Variants in AGAP1 observed in about 807,000 individuals in gnomAD.
AGAP1 encodes ArfGAP with GTPase domain, ankyrin repeat and PH domain 1, also known as arf-GAP with GTPase, ANK repeat and PH domain-containing protein 1.
Under a neutral mutation model 105.3 loss-of-function variants are expected in AGAP1, and 29 were observed. That is an observed-to-expected ratio of 0.28 (90% confidence interval 0.21 to 0.38). The LOEUF is 0.38. Ranked by LOEUF, AGAP1 falls within the 10% of genes least tolerant of loss-of-function variation. AGAP1 has a pLI of 1.00. For missense variants in AGAP1, 998 were observed against 1,165.1 expected (o/e 0.86, Z 2.09); for synonymous variants, 509 against 485.9 (o/e 1.05, Z -0.63).
rs1259375886 is a variant in AGAP1 at position 235,665,500 on chromosome 2, G to A, written c.164-43679G>A. Among the ~76,000 whole-genome samples, 1 of 152,170 alleles carries A rather than the reference G, an allele frequency of 6.6e-6. No homozygotes were observed. The highest frequency in any genetic ancestry group is 1.5e-5 in the Non-Finnish European group (1 of 68,040). ...GAGTGTCCCAGGCAAAGGGATGCGT[G>A]CAGAATTTTCAGTTCCTAGAAGCTG... On this transcript the variant is annotated intron_variant, in intron 1 of 17. Coordinates refer to ENST00000304032, the MANE Select transcript of AGAP1 (RefSeq NM_001037131.3). This position sits in a 1 kb window ranked among gnomAD's most constrained non-coding sequence, Gnocchi z 5.3.
rs1953536227 is a variant in AGAP1 at position 235,752,566 on chromosome 2, A to C, written c.673+2078A>C. 6.6e-6 allele frequency among the ~76,000 whole-genome samples: 1 copy of C among 152,072 alleles called. No individual in the cohort carries two copies. Among genetic ancestry groups the C allele is most frequent in the Non-Finnish European group, 1.5e-5 (1 of 68,002 alleles). On this transcript the variant is annotated intron_variant, in intron 6 of 17. Transcript: ENST00000304032. This position sits in a 1 kb window ranked among gnomAD's most constrained non-coding sequence, Gnocchi z 4.3. The stretch of plus-strand genomic sequence containing the variant: ...CCCCTCTCCAGCTGTGACAGCAGAG[A>C]TGAGGGTCTTTGCGGCCTGAGAAGC...
At chr2:235,802,910 T>TGATGATGCTGGTTGTGGTTGTGGTGATG (rs1274700242) in intron 8 of AGAP1, among the ~76,000 whole-genome samples, 1 of 113,698 alleles carries the variant, frequency 8.8e-6, no homozygotes, top group Non-Finnish European at 1.9e-5. Flanking sequence ...GTTGTGATGG[T>TGATGATGCTGGTTGTGGTTGTGGTGATG]GTGATGGTTG....
At chr2:235,515,877 G>T (rs1466642202) in intron 1 of AGAP1, among the ~76,000 whole-genome samples, 1 of 152,196 alleles carries the variant, frequency 6.6e-6, no homozygotes, top group Non-Finnish European at 1.5e-5. Flanking sequence ...TGGTGGGAAA[G>T]AGATATTTAA....
intron 1 of AGAP1, among the ~76,000 whole-genome samples, chr2:235,514,601 C>T (rs894847158): frequency 6.6e-6 from 1 of 152,248 alleles, no homozygotes; most frequent in African/African-American, 2.4e-5. Context: ...TTTAACCCAC[C>T]TGATGCCTTC....
rs529069617 is a variant in AGAP1, at chr2:236,089,150, C to T, written c.2115-31042C>T. ...GTCAGACCGCTCACGTGGGTGGCAGCGTCCAAGTCCAGTTTGTACATTTCT... is the reference window on the plus strand; with the variant it reads ...GTCAGACCGCTCACGTGGGTGGCAGTGTCCAAGTCCAGTTTGTACATTTCT... On this transcript the variant is annotated intron_variant, in intron 16 of 17. Transcript: ENST00000304032. The surrounding 1 kb of genome is among the most constrained non-coding windows in gnomAD (Gnocchi z 5.6). 1.3e-5 allele frequency among the ~76,000 whole-genome samples: 2 copies of T among 152,274 alleles called. No homozygotes were observed. Among genetic ancestry groups the T allele is most frequent in the South Asian group, 2.1e-4 (1 of 4,830 alleles).
rs1946232072 is a variant in AGAP1, at chr2:235,614,148, G to A, written c.164-95031G>A. 6.6e-6 allele frequency among the ~76,000 whole-genome samples: 1 copy of A among 152,136 alleles called. No individual in the cohort carries two copies. Among genetic ancestry groups the A allele is most frequent in the Admixed American group, 6.5e-5 (1 of 15,274 alleles). ...ATGTGCTAGATACCCTACTGGTGCTGGTGAGCAGAAACAGGCAAGGTCTTT... is the reference window on the plus strand; with the variant it reads ...ATGTGCTAGATACCCTACTGGTGCTAGTGAGCAGAAACAGGCAAGGTCTTT... On this transcript the variant is annotated intron_variant, in intron 1 of 17. Transcript: ENST00000304032. This position sits in a 1 kb window ranked among gnomAD's most constrained non-coding sequence, Gnocchi z 4.7.
rs542199457 is a variant in AGAP1 at position 235,747,704 on chromosome 2, G to A, written c.539-2650G>A. On this transcript the variant is annotated intron_variant, in intron 5 of 17. Transcript: ENST00000304032. This position sits in a 1 kb window ranked among gnomAD's most constrained non-coding sequence, Gnocchi z 5.0. ...CCCTGCCGCGACGCTTGCTTCCTGCGTGCAGACTTGCTCTCCGTGAAGCCC... is the reference window on the plus strand; with the variant it reads ...CCCTGCCGCGACGCTTGCTTCCTGCATGCAGACTTGCTCTCCGTGAAGCCC... Among the ~76,000 whole-genome samples, 3 of 152,348 alleles carry A rather than the reference G, an allele frequency of 2.0e-5. No individual in the cohort carries two copies. Among genetic ancestry groups the A allele is most frequent in the Admixed American group, 6.5e-5 (1 of 15,310 alleles).
rs1025130708 is a variant in AGAP1 at position 235,787,462 on chromosome 2, A to G, written c.674-10297A>G. 6.6e-6 allele frequency among the ~76,000 whole-genome samples: 1 copy of G among 152,192 alleles called. No individual in the cohort carries two copies. Among genetic ancestry groups the G allele is most frequent in the South Asian group, 2.1e-4 (1 of 4,832 alleles). Reference sequence around the variant, plus strand: ...CTTTATAGCACTTTCTATATCCCACATGCTGCCACTTATCTAACACATTGG... The same window carrying G: ...CTTTATAGCACTTTCTATATCCCACGTGCTGCCACTTATCTAACACATTGG... On this transcript the variant is annotated intron_variant, in intron 6 of 17. Transcript: ENST00000304032. The surrounding 1 kb of genome is among the most constrained non-coding windows in gnomAD (Gnocchi z 4.4).
intron 6 of AGAP1, among the ~76,000 whole-genome samples, chr2:235,763,376 C>A (rs113493785): frequency 5.3e-5 from 8 of 152,226 alleles, no homozygotes; most frequent in African/African-American, 1.9e-4. Context: ...ACTTTTCCCA[C>A]CCTGTGGTTA....
At position 235,900,980 on chromosome 2, in the gene AGAP1, A is replaced by G. The variant is rs915483655; in HGVS notation, c.1156-7758A>G. ...TGCCTCCTACCTTGCTATTGTGACTATGATCCTTTGGGGAGAAGAGTAATT... is the reference window on the plus strand; with the variant it reads ...TGCCTCCTACCTTGCTATTGTGACTGTGATCCTTTGGGGAGAAGAGTAATT... On this transcript the variant is annotated intron_variant, in intron 10 of 17. Transcript: ENST00000304032. The surrounding 1 kb of genome is among the most constrained non-coding windows in gnomAD (Gnocchi z 5.5). 2.6e-5 allele frequency among the ~76,000 whole-genome samples: 4 copies of G among 152,226 alleles called. No individual in the cohort carries two copies. Among genetic ancestry groups the G allele is most frequent in the African/African-American group, 4.8e-5 (2 of 41,468 alleles).
chr2:235,807,883 A>G (rs1049028980), intron 9 of AGAP1, among the ~76,000 whole-genome samples: 1 of 152,224 alleles, frequency 6.6e-6, no homozygotes, highest in Non-Finnish European at 1.5e-5. Context: ...ACCTTATTAT[A>G]TAAAGGAACA....
Position 235,719,259 on chromosome 2 carries a change from T to C in AGAP1, c.310+1615T>C, listed in dbSNP as rs144802705. Among the ~76,000 whole-genome samples, 353 of 152,272 alleles carry C rather than the reference T, an allele frequency of 2.3e-3. 4 individuals carry two copies. Among genetic ancestry groups the C allele is most frequent in the East Asian group, 0.02 (104 of 5,164 alleles). On this transcript the variant is annotated intron_variant, in intron 3 of 17. Transcript: ENST00000304032. The surrounding 1 kb of genome is among the most constrained non-coding windows in gnomAD (Gnocchi z 4.9). ...TGGGGCAGCGCTGGAGGCCCTGGGT[T>C]TCTGGAGTAAGAACAAGGACCACGA...
intron 6 of AGAP1, among the ~76,000 whole-genome samples, chr2:235,783,998 A>G (rs1956448997): frequency 6.8e-6 from 1 of 147,990 alleles, no homozygotes; most frequent in South Asian, 2.1e-4. Context: ...GGACGGATGG[A>G]TGGGTGGATA....
chr2:236,009,753 C>T lies in AGAP1; in HGVS notation c.1646-26808C>T, dbSNP rs1294407763. Among the ~76,000 whole-genome samples the T allele has an allele frequency of 6.6e-6, 1 of 152,214 alleles. No individual in the cohort carries two copies. The highest frequency in any genetic ancestry group is 1.5e-5 in the Non-Finnish European group (1 of 68,044). On this transcript the variant is annotated intron_variant, in intron 13 of 17. Coordinates refer to ENST00000304032, the MANE Select transcript of AGAP1 (RefSeq NM_001037131.3). The surrounding 1 kb of genome is among the most constrained non-coding windows in gnomAD (Gnocchi z 4.2). ...GCTGCAGCGTGCCTCATTTAGCCGT[C>T]CCTGCTCGGTTCACGCCAAGGATGT...
rs1264751595 is a variant in AGAP1, at chr2:235,549,508, C to A, written c.163+54659C>A. Among the ~76,000 whole-genome samples the A allele has an allele frequency of 6.6e-6, 1 of 152,178 alleles. No homozygotes were observed. The highest frequency in any genetic ancestry group is 1.5e-5 in the Non-Finnish European group (1 of 68,028). On this transcript the variant is annotated intron_variant, in intron 1 of 17. Coordinates refer to ENST00000304032, the MANE Select transcript of AGAP1 (RefSeq NM_001037131.3). This position sits in a 1 kb window ranked among gnomAD's most constrained non-coding sequence, Gnocchi z 4.2. ...AGCCTGTGCCTTTAGCCCAGCCTTG[C>A]TGTTCTAGATGGTGTTGGCAGCCTT...
chr2:235,619,722 G>A (rs1392076128), intron 1 of AGAP1, among the ~76,000 whole-genome samples: 1 of 152,202 alleles, frequency 6.6e-6, no homozygotes, highest in Admixed American at 6.5e-5. Context: ...TTGCCAAGAG[G>A]CGGCCAGCTG....
chr2:236,072,021 C>G (rs2058508903), intron 16 of AGAP1, among the ~76,000 whole-genome samples: 1 of 151,686 alleles, frequency 6.6e-6, no homozygotes, highest in Admixed American at 6.6e-5. Context: ...TAGGAGAGAA[C>G]TAAACTTTTT....
At chr2:235,536,677 A>ACACACACC (rs1559231815) in intron 1 of AGAP1, among the ~76,000 whole-genome samples, 1 of 115,938 alleles carries the variant, frequency 8.6e-6, no homozygotes, top group Non-Finnish European at 1.9e-5. Context: ...ACACACACAC[A>ACACACACC]CCCCTTGCTT....
At chr2:235,731,227 C>T (rs1034228324) in intron 3 of AGAP1, among the ~76,000 whole-genome samples, 1 of 152,182 alleles carries the variant, frequency 6.6e-6, no homozygotes, top group Non-Finnish European at 1.5e-5. Context: ...GAAAAAGGAG[C>T]TCACACTAAT....
Sources: allele counts gnomAD v4.1 joint callset (sites outside exome capture counted in the v4.1 genomes callset), GRCh38; gene constraint gnomAD v4.1.1; non-coding constraint Gnocchi (gnomAD v3.1); transcripts MANE v1.5; gene names NCBI Gene and HGNC (gene_info 2026-07-23, HGNC 2026-07-21).